The following TBCEL variants were observed in gnomAD, a reference collection of about 807,000 sequenced individuals.
TBCEL encodes the protein tubulin folding cofactor E like.
In TBCEL, 15 loss-of-function variants were observed where a neutral mutation model predicts 44.2. The ratio of observed to expected loss-of-function variants is 0.34; its 90% CI spans 0.23 to 0.52. TBCEL has a LOEUF of 0.52. Among genes scored for constraint, TBCEL ranks in the 20% least tolerant of loss-of-function variants. TBCEL has a pLI of 0.95. For missense variants in TBCEL, 319 were observed against 506.3 expected (o/e 0.63, Z 3.55); for synonymous variants, 171 against 185.4 (o/e 0.92, Z 0.63).
chr11:121,057,607 G>A (rs1396860648), intron 6 of TBCEL: 1 of 454,960 alleles, frequency 2.2e-6, no homozygotes, highest in Non-Finnish European at 4.4e-6. Context: ...AATACATGGG[G>A]AAGAAGGGTA....
intron 2 of TBCEL, among the ~76,000 whole-genome samples, chr11:121,038,233 G>A (rs1249457439): frequency 6.6e-6 from 1 of 151,998 alleles, no homozygotes; most frequent in Admixed American, 6.5e-5. Context: ...CAAAGTTCTT[G>A]GATTACAGGC....
At chr11:121,049,476 G>A (rs893024332) in intron 4 of TBCEL, among the ~76,000 whole-genome samples, 1 of 151,626 alleles carries the variant, frequency 6.6e-6, no homozygotes, top group Non-Finnish European at 1.5e-5. Flanking sequence ...AAAATTCTTT[G>A]CAATGCATGT....
rs1449642724 is a variant in TBCEL, at chr11:121,036,003, C to CT, written c.-125-496dup. 3.9e-5 allele frequency: 6 copies of CT among 152,186 alleles called. No individual in the cohort carries two copies. In the South Asian group the frequency reaches 8.3e-4, roughly 21 times the overall value. 9.4% of individuals were successfully genotyped at this position (152,186 alleles called of 1,614,324 possible). ...TGTGTACTGTTGACATGAAATACTC[C>CT]TTTTTTGGTAAAGATGGATTGGCTT... On this transcript the variant is annotated intron_variant, in intron 1 of 8. Transcript: ENST00000683345.
At chr11:121,064,898 C>T (rs1036673265) in intron 8 of TBCEL, among the ~76,000 whole-genome samples, 2 of 152,114 alleles carry the variant, frequency 1.3e-5, no homozygotes, top group Non-Finnish European at 2.9e-5. Flanking sequence ...GCAATCTCGG[C>T]TCATTGCAAG....
At chr11:121,032,754 T>C (rs140119145) in intron 1 of TBCEL, among the ~76,000 whole-genome samples, 1,972 of 152,260 alleles carry the variant, frequency 0.013, 41 homozygotes, top group Non-Finnish European at 0.014. Context: ...GGACACTTGT[T>C]TATATTTTGA....
chr11:121,043,890 A>G (rs2134915081), intron 2 of TBCEL, among the ~76,000 whole-genome samples: 1 of 152,096 alleles, frequency 6.6e-6, no homozygotes, highest in African/African-American at 2.4e-5. Flanking sequence ...CATTTTTCTC[A>G]TTCAACTCCA....
At chr11:121,053,806 C>T in intron 5 of TBCEL, 74 bp downstream of exon 5, 1 of 1,449,336 alleles carries the variant, frequency 6.9e-7, no homozygotes, top group Non-Finnish European at 9.3e-7. Flanking sequence ...CTGCTGATCT[C>T]CCACGCAAGA....
At chr11:121,044,913 A>G (rs973382785) in intron 2 of TBCEL, among the ~76,000 whole-genome samples, 3 of 152,138 alleles carry the variant, frequency 2.0e-5, no homozygotes, top group African/African-American at 7.2e-5. Context: ...CTTAAGCAAA[A>G]TAGGTTACTT....
intron 4 of TBCEL, 50 bp downstream of exon 4, chr11:121,047,717 G>C: frequency 6.3e-7 from 1 of 1,596,786 alleles, no homozygotes; most frequent in Non-Finnish European, 8.6e-7. Flanking sequence ...AATAACCATT[G>C]TGTCATTGTT....
At chr11:121,035,287 G>T (rs972675299) in intron 1 of TBCEL, 1 of 152,194 alleles carries the variant, frequency 6.6e-6, no homozygotes, top group Non-Finnish European at 1.5e-5. Flanking sequence ...CTTCCTGTGA[G>T]TGAAGAGGGG....
At chr11:121,070,495 C>T (rs1565503894) in intron 8 of TBCEL, among the ~76,000 whole-genome samples, 1 of 152,134 alleles carries the variant, frequency 6.6e-6, no homozygotes, top group Admixed American at 6.6e-5. Flanking sequence ...AAATGTGGCA[C>T]ATATACACCA....
At chr11:121,039,516 C>A (rs143427408) in intron 2 of TBCEL, among the ~76,000 whole-genome samples, 1 of 152,208 alleles carries the variant, frequency 6.6e-6, no homozygotes, top group Middle Eastern at 3.4e-3. Context: ...ATCTGGTACA[C>A]GCTTGTTGAA....
intron 1 of TBCEL, among the ~76,000 whole-genome samples, chr11:121,029,599 C>A (rs978347144): frequency 6.6e-6 from 1 of 152,202 alleles, no homozygotes; most frequent in Non-Finnish European, 1.5e-5. Context: ...CAGTGCTCTT[C>A]TAAAAATGAA....
intron 6 of TBCEL, among the ~76,000 whole-genome samples, chr11:121,058,115 A>G (rs1945654827): frequency 6.6e-6 from 1 of 151,838 alleles, no homozygotes; most frequent in South Asian, 2.1e-4. Flanking sequence ...ATGTTAGACA[A>G]TAACACTCTC....
In TBCEL at chr11:121,045,660, T is replaced by C. The variant is rs1239961046; in HGVS notation, c.-17-14T>C. 1.3e-6 allele frequency: 2 copies of C among 1,546,514 alleles called. No individual in the cohort carries two copies. The highest frequency in any genetic ancestry group is 4.5e-5 in the East Asian group (2 of 44,380). Reference sequence around the variant, plus strand: ...CATAATTACATAATTTGATTATTTCTTGGTTTCTTGTAGCATTTTAAGAAA... The same window carrying C: ...CATAATTACATAATTTGATTATTTCCTGGTTTCTTGTAGCATTTTAAGAAA... On this transcript the variant is annotated splice_polypyrimidine_tract_variant and intron_variant, in intron 2 of 8. Transcript: ENST00000683345.
chr11:121,027,523 C>T (rs12576758), intron 1 of TBCEL, among the ~76,000 whole-genome samples: 28,654 of 152,066 alleles, frequency 0.19, 2,815 homozygotes, highest in East Asian at 0.33. Flanking sequence ...CTACAGACTT[C>T]CTCTACTTTT....
rs542323635 is a variant in TBCEL at position 121,069,982 on chromosome 11, TAGA to T, written c.956+9906_956+9908del. On this transcript the variant is annotated intron_variant, in intron 8 of 8. Coordinates refer to ENST00000683345, the MANE Select transcript of TBCEL (RefSeq NM_001363644.2). The stretch of plus-strand genomic sequence containing the variant: ...AAGTGGAGAGATTTTGGTTTGTATA[TAGA>T]AGAAGAAGCTGAACAAATTTACAAG... Among the ~76,000 whole-genome samples, 398 of 152,180 alleles carry T rather than the reference TAGA, an allele frequency of 2.6e-3. 1 individual carries two copies. The highest frequency in any genetic ancestry group is 9.1e-3 in the African/African-American group (377 of 41,524).
chr11:121,087,631 A>C lies in TBCEL; in HGVS notation c.*535A>C, dbSNP rs1038733698. The C allele has an allele frequency of 6.6e-6, 1 of 152,108 alleles. No homozygotes were observed. Among genetic ancestry groups the C allele is most frequent in the Non-Finnish European group, 1.5e-5 (1 of 68,196 alleles). The allele number at this position is 152,108 out of a possible 1,614,324, so 9.4% of individuals were successfully genotyped here. On this transcript the variant is annotated 3_prime_UTR_variant, in exon 9 of 9. Coordinates refer to ENST00000683345, the MANE Select transcript of TBCEL (RefSeq NM_001363644.2). Reference sequence around the variant, plus strand: ...TTTACCTAATAGTTTTGTTCTGTTCATAATTCTTATTTCTCAACCTGGGTG... The same window carrying C: ...TTTACCTAATAGTTTTGTTCTGTTCCTAATTCTTATTTCTCAACCTGGGTG...
chr11:121,065,820 G>A (rs1945810170), intron 8 of TBCEL, among the ~76,000 whole-genome samples: 1 of 152,174 alleles, frequency 6.6e-6, no homozygotes, highest in South Asian at 2.1e-4. Flanking sequence ...CAGTCCATGT[G>A]ACCACAGGTG....
Sources: allele counts gnomAD v4.1 joint callset (sites outside exome capture counted in the v4.1 genomes callset), GRCh38; gene constraint gnomAD v4.1.1; transcripts MANE v1.5; gene names NCBI Gene and HGNC (gene_info 2026-07-23, HGNC 2026-07-21).